Variants in NUP98 observed in about 807,000 individuals in gnomAD.
The protein encoded by NUP98 is nucleoporin 98 and 96 precursor.
In NUP98, 26 loss-of-function variants were observed where a neutral mutation model predicts 191.9. The observed-to-expected ratio is 0.14, with a 90% CI of 0.10 to 0.19. NUP98 has a LOEUF of 0.19. NUP98 is among the 10% of genes least tolerant of loss of function. The pLI, the probability that NUP98 is intolerant of heterozygous loss-of-function variation, is 1.00. For synonymous variants in NUP98, 808 were observed against 778.4 expected (o/e 1.04, Z -0.63); for missense variants, 1,941 against 2,178.8 (o/e 0.89, Z 2.17).
At chr11:3,781,945 T>C in intron 2 of NUP98, 97 bp downstream of exon 2, 1 of 684,552 alleles carries the variant, frequency 1.5e-6, no homozygotes, top group Non-Finnish European at 2.4e-6. Context: ...AATATGAAAG[T>C]AAAAATAAAA....
At chr11:3,754,153 G>C (rs1280661078) in intron 10 of NUP98, among the ~76,000 whole-genome samples, 2 of 152,162 alleles carry the variant, frequency 1.3e-5, no homozygotes, top group African/African-American at 2.4e-5. Flanking sequence ...AACTGGCCAG[G>C]TGTGGTGGCT....
chr11:3,766,431 T>C (rs2081342095), intron 8 of NUP98, among the ~76,000 whole-genome samples: 1 of 151,956 alleles, frequency 6.6e-6, no homozygotes, highest in Non-Finnish European at 1.5e-5. Context: ...GGCTCATGCC[T>C]GTAAACCCAG....
At chr11:3,719,391 T>C in intron 18 of NUP98, 21 bp downstream of exon 18, 7 of 1,562,636 alleles carry the variant, frequency 4.5e-6, no homozygotes, top group Non-Finnish European at 6.0e-6. Context: ...GATAATTTTC[T>C]GTATGTACAT....
At chr11:3,700,384 C>A (rs902051284) in intron 24 of NUP98, among the ~76,000 whole-genome samples, 3 of 151,246 alleles carry the variant, frequency 2.0e-5, no homozygotes, top group Non-Finnish European at 4.4e-5. Flanking sequence ...TGCTACAGTT[C>A]TTTGTGGAAG....
Position 3,758,550 on chromosome 11 carries a change from C to T in NUP98, c.1174+1989G>A, listed in dbSNP as rs190584840. Among the ~76,000 whole-genome samples, 44 of 152,180 alleles carry T rather than the reference C, an allele frequency of 2.9e-4. No homozygotes were observed. In the East Asian group the frequency reaches 8.1e-3, roughly 28 times the overall value. ...CTGTAATCCCAGCACTTTGGGAGGCCGAGGAGGGCAGATCGCCTGAGGTCA... is the reference window on the plus strand; with the variant it reads ...CTGTAATCCCAGCACTTTGGGAGGCTGAGGAGGGCAGATCGCCTGAGGTCA... On this transcript the variant is annotated intron_variant, in intron 10 of 32. Coordinates refer to ENST00000324932, the MANE Select transcript of NUP98 (RefSeq NM_016320.5).
At chr11:3,781,185 C>CAAAAAAAAA (rs34704470) in intron 2 of NUP98, among the ~76,000 whole-genome samples, 1 of 69,036 alleles carries the variant, frequency 1.4e-5, no homozygotes, top group African/African-American at 5.6e-5. Flanking sequence ...GATCCTATCT[C>CAAAAAAAAA]AAAAAAAAAA....
rs1589815314 is a variant in NUP98 at position 3,725,315 on chromosome 11, T to A, written c.1731-96A>T. Reference sequence around the variant, plus strand: ...TAAAAACTGGAGTCCAATGGTGCACTTCTGCTCAACTCTTGTACACCTAAG... The same window carrying A: ...TAAAAACTGGAGTCCAATGGTGCACATCTGCTCAACTCTTGTACACCTAAG... On this transcript the variant is annotated intron_variant, in intron 14 of 32. Transcript: ENST00000324932. The A allele has an allele frequency of 1.9e-5, 12 of 636,398 alleles. No homozygotes were observed. In the East Asian group the frequency reaches 3.1e-4, roughly 16 times the overall value. 39.4% of individuals were successfully genotyped at this position (636,398 alleles called of 1,614,324 possible). A position where few individuals can be genotyped will look rare whatever the true frequency, so the allele number is the denominator to read the frequency against.
intron 4 of NUP98, among the ~76,000 whole-genome samples, chr11:3,778,096 G>A (rs2081812770): frequency 6.6e-6 from 1 of 151,390 alleles, no homozygotes; most frequent in Admixed American, 6.6e-5. Flanking sequence ...CTACTCGGGA[G>A]GCTGAGGCAG....
chr11:3,678,085 C>T (rs182665711), intron 31 of NUP98, among the ~76,000 whole-genome samples: 1 of 149,370 alleles, frequency 6.7e-6, no homozygotes, highest in East Asian at 2.0e-4. Flanking sequence ...ATGCAGTGAG[C>T]TGAGATTGTG....
chr11:3,762,973 T>A lies in NUP98; in HGVS notation c.1015A>T (p.Thr339Ser). The A allele has an allele frequency of 6.2e-7, 1 of 1,614,144 alleles. No homozygotes were observed. The highest frequency in any genetic ancestry group is 8.5e-7 in the Non-Finnish European group (1 of 1,180,022). The change falls in exon 9 of 33, where the codon ACT becomes TCT. Residue 339 changes from threonine to serine, a missense_variant. Physicochemically the swap from Thr to Ser is moderately conservative, Grantham distance 58. This residue lies in a region of NUP98 where 181 missense variants were observed against 228.0 expected (regional missense o/e 0.79). Transcript: ENST00000324932. ...GTTCCTGTTCCAAATGCTGTCCCAG[T>A]GCTGGTGTTTGTAGCTGTCCCAAAA... is the stretch of plus-strand genomic sequence containing the variant. ...GLFGTATNTS[T>S]GTAFGTGTGL...
At position 3,679,542 on chromosome 11, in the gene NUP98, G is replaced by A. The variant is rs931261698; in HGVS notation, c.5073+12C>T. ...AAGGAAAATCAGGCAGCAGTTTCAGGATCTCAGGTACCTGCTGTATATGGC... is the reference window on the plus strand; with the variant it reads ...AAGGAAAATCAGGCAGCAGTTTCAGAATCTCAGGTACCTGCTGTATATGGC... On this transcript the variant is annotated intron_variant, in intron 31 of 32. Coordinates refer to ENST00000324932, the MANE Select transcript of NUP98 (RefSeq NM_016320.5). 3 of 1,613,994 alleles carry A rather than the reference G, an allele frequency of 1.9e-6. No homozygotes were observed. The highest frequency in any genetic ancestry group is 2.5e-6 in the Non-Finnish European group (3 of 1,179,994).
chr11:3,773,156 C>T (rs1190165988), intron 6 of NUP98, among the ~76,000 whole-genome samples: 1 of 152,024 alleles, frequency 6.6e-6, no homozygotes, highest in African/African-American at 2.4e-5. Flanking sequence ...TATCCCAGCA[C>T]ATTGGGAGGC....
At chr11:3,756,461 A>G (rs1279820738) in intron 10 of NUP98, among the ~76,000 whole-genome samples, 1 of 152,150 alleles carries the variant, frequency 6.6e-6, no homozygotes, top group Non-Finnish European at 1.5e-5. Flanking sequence ...CACACCAAAA[A>G]AAAACCTCTA....
chr11:3,794,621 C>G (rs1016807183), intron 1 of NUP98, among the ~76,000 whole-genome samples: 2 of 151,992 alleles, frequency 1.3e-5, no homozygotes, highest in Non-Finnish European at 2.9e-5. Context: ...ACCACCACAC[C>G]ACGCCTTTGT....
chr11:3,743,100 C>A (rs1295072005), intron 12 of NUP98, among the ~76,000 whole-genome samples: 1 of 151,826 alleles, frequency 6.6e-6, no homozygotes, highest in Non-Finnish European at 1.5e-5. Flanking sequence ...CTCACTGTAA[C>A]CTCCACCTAC....
rs1379748257 is a variant in NUP98 at position 3,755,984 on chromosome 11, TA to T, written c.1175-2577del. Among the ~76,000 whole-genome samples the T allele has an allele frequency of 9.2e-5, 14 of 152,156 alleles. No homozygotes were observed. The South Asian group carries it at 2.9e-3, about 32-fold the overall frequency. On this transcript the variant is annotated intron_variant, in intron 10 of 32. Transcript: ENST00000324932. ...TCTCGAAAAAAATAAATACATGAAATAAAATCCAATCAAGTAACCTGACTTA... is the reference window on the plus strand; with the variant it reads ...TCTCGAAAAAAATAAATACATGAAATAAATCCAATCAAGTAACCTGACTTA...
chr11:3,715,834 T>A (rs2134186245), intron 18 of NUP98, among the ~76,000 whole-genome samples: 1 of 152,290 alleles, frequency 6.6e-6, no homozygotes, highest in Admixed American at 6.5e-5. Flanking sequence ...CTTGAACTCC[T>A]GGCCTCAAGC....
chr11:3,693,447 G>A, intron 26 of NUP98, 72 bp from the exon 27 acceptor site: 1 of 1,441,668 alleles, frequency 6.9e-7, no homozygotes, highest in African/African-American at 1.4e-5. Context: ...TAACACTGAA[G>A]TGAATATTCA....
Position 3,779,234 on chromosome 11 carries a change from C to T in NUP98, c.100G>A (p.Gly34Arg). ...AATGCAGATGTTCCAAATGCCCCTC[C>T]ACTAGTAGTGCCAAAGCCAGTATCT... ...GQNTGFGTTSGGAFGTSAFGS... is the reference protein window; with the variant it reads ...GQNTGFGTTSRGAFGTSAFGS... Residue 34 changes from glycine to arginine, a missense_variant, in exon 3 of 33, where the codon GGA (glycine) becomes AGA (arginine). Gly to Arg is a moderately radical substitution (Grantham distance 125). Coordinates refer to ENST00000324932, the MANE Select transcript of NUP98 (RefSeq NM_016320.5). 1 of 1,614,118 alleles carries T rather than the reference C, an allele frequency of 6.2e-7. No homozygotes were observed. The highest frequency in any genetic ancestry group is 8.5e-7 in the Non-Finnish European group (1 of 1,179,964).
Sources: gnomAD v4.1 joint callset for allele counts (sites outside exome capture counted in the v4.1 genomes callset) on GRCh38, gnomAD v4.1.1 for gene constraint, gnomAD v4.1.1 regional missense constraint, MANE v1.5 for transcripts, NCBI Gene and HGNC (gene_info 2026-07-23, HGNC 2026-07-21) for gene names.